DHX9: variants seen among roughly 807,000 people sequenced by gnomAD.
The protein encoded by DHX9 is DExH-box helicase 9, also known as ATP-dependent RNA helicase A.
Under a neutral mutation model 148.7 loss-of-function variants are expected in DHX9, and 27 were observed. The observed-to-expected ratio is 0.18, with a 90% CI of 0.13 to 0.25. The LOEUF (loss-of-function observed/expected upper bound fraction) is 0.25. Ranked by LOEUF, DHX9 falls within the 10% of genes least tolerant of loss-of-function variation. DHX9 has a pLI of 1.00. For missense variants in DHX9, 796 were observed against 1,559.6 expected (o/e 0.51, Z 8.25); for synonymous variants, 529 against 516.6 (o/e 1.02, Z -0.33).
chr1:182,865,119 G>A (rs1320481704), intron 12 of DHX9, among the ~76,000 whole-genome samples: 1 of 152,174 alleles, frequency 6.6e-6, no homozygotes, highest in East Asian at 1.9e-4. Context: ...AGTAGAAAAG[G>A]GGGACGATAG....
At chr1:182,871,150 AAT>A (rs1312904630) in intron 14 of DHX9, among the ~76,000 whole-genome samples, 1 of 152,244 alleles carries the variant, frequency 6.6e-6, no homozygotes, top group African/African-American at 2.4e-5. Flanking sequence ...CAAAGATTCC[AAT>A]ATGTTAGTAT....
In DHX9 at chr1:182,842,689, T is replaced by A; in HGVS notation, c.111+12T>A. The A allele has an allele frequency of 1.3e-6, 2 of 1,593,240 alleles. No homozygotes were observed. Among genetic ancestry groups the A allele is most frequent in the Non-Finnish European group, 1.7e-6 (2 of 1,166,300 alleles). ...AATTCATGTGTGAGGTACTGAAGAA[T>A]ACAGTTTGCATTTATGTGATTTATG... On this transcript the variant is annotated intron_variant, in intron 2 of 27. Transcript: ENST00000367549.
At chr1:182,884,117 C>CA (rs879734992) in intron 26 of DHX9, among the ~76,000 whole-genome samples, 1 of 151,960 alleles carries the variant, frequency 6.6e-6, no homozygotes, top group Non-Finnish European at 1.5e-5. Context: ...ACGAAAAATC[C>CA]AAAAAAATTA....
chr1:182,840,804 G>A (rs1371009862), intron 1 of DHX9, among the ~76,000 whole-genome samples: 2 of 152,172 alleles, frequency 1.3e-5, no homozygotes, highest in Non-Finnish European at 2.9e-5. Flanking sequence ...GAATCTTAAG[G>A]GAGTGGACGA....
At chr1:182,886,938 A>T in intron 27 of DHX9, 145 bp from the exon 28 acceptor site, 1 of 724,922 alleles carries the variant, frequency 1.4e-6, no homozygotes, top group South Asian at 1.9e-5. Flanking sequence ...AGAATAGCAG[A>T]TCAATTTTAT....
At chr1:182,887,001 A>G in intron 27 of DHX9, 82 bp from the exon 28 acceptor site, 1 of 1,287,738 alleles carries the variant, frequency 7.8e-7, no homozygotes, top group Non-Finnish European at 1.1e-6. Context: ...ATTTTCAAAT[A>G]TAACTAAATG....
At chr1:182,873,302 C>T (rs529397814) in intron 15 of DHX9, among the ~76,000 whole-genome samples, 1 of 152,170 alleles carries the variant, frequency 6.6e-6, no homozygotes, top group Admixed American at 6.5e-5. Context: ...CTAGGATAGT[C>T]ATCTGGTAGC....
In DHX9 at chr1:182,861,652, A is replaced by C. The variant is rs184220194; in HGVS notation, c.1332+1468A>C. Among the ~76,000 whole-genome samples the C allele has an allele frequency of 2.7e-4, 41 of 152,334 alleles. No individual in the cohort carries two copies. The East Asian group carries it at 4.4e-3, about 16-fold the overall frequency. On this transcript the variant is annotated intron_variant, in intron 12 of 27. Transcript: ENST00000367549. ...TTGTCTGCATGTCATAAATAGAGTAAAAATTCCTGCCCAAGTGAGAAGTGC... is the reference window on the plus strand; with the variant it reads ...TTGTCTGCATGTCATAAATAGAGTACAAATTCCTGCCCAAGTGAGAAGTGC...
chr1:182,842,756 A>G, intron 2 of DHX9, 79 bp downstream of exon 2: 4 of 1,146,846 alleles, frequency 3.5e-6, no homozygotes, highest in Non-Finnish European at 5.0e-6. Context: ...TTCTGTTTGG[A>G]GATGTTAATG....
rs560532302 is a variant in DHX9 at position 182,887,098 on chromosome 1, A to G, written c.3477A>G (p.Pro1159=). 6.2e-7 allele frequency: 1 copy of G among 1,614,194 alleles called. No individual in the cohort carries two copies. Among genetic ancestry groups the G allele is most frequent in the South Asian group, 1.1e-5 (1 of 91,082 alleles). Residue 1159 remains proline, a synonymous_variant, in exon 28 of 28, where the codon CCA becomes CCG. Transcript: ENST00000367549. ...MIGSTRYGDG[P]RPPKMARYDN... The stretch of plus-strand genomic sequence containing the variant: ...CTTTTCCTAGGTATGGAGATGGTCC[A>G]CGTCCTCCCAAGATGGCCCGATACG...
At chr1:182,854,260 A>ACG (rs1190534024) in intron 6 of DHX9, 82 bp downstream of exon 6, 7 of 1,297,280 alleles carry the variant, frequency 5.4e-6, no homozygotes, top group African/African-American at 1.5e-5. Flanking sequence ...CTATTTTTGT[A>ACG]CGTTGTCTGG....
intron 19 of DHX9, chr1:182,877,498 A>G (rs16865330): frequency 0.01 from 1,602 of 153,646 alleles, 30 homozygotes; most frequent in African/African-American, 0.037. Flanking sequence ...GCCAACATCC[A>G]TTTTAGGAAA....
chr1:182,850,227 G>A (rs1668111067), intron 3 of DHX9, among the ~76,000 whole-genome samples: 1 of 151,882 alleles, frequency 6.6e-6, no homozygotes, highest in Admixed American at 6.6e-5. Flanking sequence ...GTGTCTTTTT[G>A]TAATGAATGC....
At position 182,860,082 on chromosome 1, in the gene DHX9, A is replaced by G; in HGVS notation, c.1230A>G (p.Arg410=). The G allele has an allele frequency of 6.2e-7, 1 of 1,614,098 alleles. No individual in the cohort carries two copies. Among genetic ancestry groups the G allele is most frequent in the Non-Finnish European group, 8.5e-7 (1 of 1,180,010 alleles). The part of the protein sequence containing the change: ...AISQNSVVII[R]GATGCGKTTQ... ...GCCAAAATTCAGTTGTCATTATTAGAGGGGCTACTGGATGTGGGAAAACCA... is the reference window on the plus strand; with the variant it reads ...GCCAAAATTCAGTTGTCATTATTAGGGGGGCTACTGGATGTGGGAAAACCA... The change falls in exon 12 of 28, where the codon AGA becomes AGG. Residue 410 remains arginine (R), a synonymous_variant. Coordinates refer to ENST00000367549, the MANE Select transcript of DHX9 (RefSeq NM_001357.5).
Position 182,852,247 on chromosome 1 carries a change from C to T in DHX9, c.267C>T (p.Pro89=). ...EVPAFGVASP[P]PLTDTPDTTA... ...TTCTTTTGCAGGTAGCATCTCCGCCCCCACTTACTGATACTCCTGACACTA... is the reference window on the plus strand; with the variant it reads ...TTCTTTTGCAGGTAGCATCTCCGCCTCCACTTACTGATACTCCTGACACTA... The change falls in exon 4 of 28, where the codon CCC becomes CCT. Residue 89 remains proline (P), a synonymous_variant. Transcript: ENST00000367549. 1 of 1,609,080 alleles carries T rather than the reference C, an allele frequency of 6.2e-7. No individual in the cohort carries two copies. The highest frequency in any genetic ancestry group is 8.5e-7 in the Non-Finnish European group (1 of 1,178,058).
At chr1:182,858,002 T>C (rs530614778) in intron 7 of DHX9, 102 bp from the exon 8 acceptor site, 2 of 1,227,542 alleles carry the variant, frequency 1.6e-6, no homozygotes, top group African/African-American at 3.0e-5. Context: ...TACCCTGTAT[T>C]TTAGGGCTTC....
intron 20 of DHX9, 42 bp from the exon 21 acceptor site, chr1:182,879,208 A>G: frequency 2.1e-6 from 3 of 1,412,230 alleles, no homozygotes; most frequent in Non-Finnish European, 2.8e-6. Flanking sequence ...ACATCTGTGT[A>G]TACACAAGGA....
intron 24 of DHX9, 145 bp downstream of exon 24, chr1:182,881,792 T>A: frequency 1.2e-6 from 1 of 845,276 alleles, no homozygotes; most frequent in Non-Finnish European, 1.8e-6. Context: ...TCGTGAACAC[T>A]GGTCTAGTTC....
At chr1:182,852,846 T>A (rs1331624880) in intron 4 of DHX9, among the ~76,000 whole-genome samples, 1 of 151,008 alleles carries the variant, frequency 6.6e-6, no homozygotes, top group Non-Finnish European at 1.5e-5. Flanking sequence ...TATTGGGATG[T>A]CTACCATATG....
Sources: allele counts gnomAD v4.1 joint callset (sites outside exome capture counted in the v4.1 genomes callset), GRCh38; gene constraint gnomAD v4.1.1; transcripts MANE v1.5; gene names NCBI Gene and HGNC (gene_info 2026-07-23, HGNC 2026-07-21).